The following DPP10 variants were observed in gnomAD, a reference collection of about 807,000 sequenced individuals.
DPP10 encodes the protein inactive dipeptidyl peptidase 10.
Under a neutral mutation model 120.9 loss-of-function variants are expected in DPP10, and 33 were observed. The observed-to-expected ratio is 0.27, with a 90% CI of 0.21 to 0.37. DPP10 has a LOEUF of 0.37. Among genes scored for constraint, DPP10 ranks in the 10% least tolerant of loss-of-function variants. DPP10 has a pLI of 1.00. For synonymous variants in DPP10, 337 were observed against 326.1 expected (o/e 1.03, Z -0.36); for missense variants, 816 against 942.8 (o/e 0.87, Z 1.76).
At chr2:115,730,064 A>T (rs2092866646) in intron 8 of DPP10, among the ~76,000 whole-genome samples, 1 of 152,168 alleles carries the variant, frequency 6.6e-6, no homozygotes, top group South Asian at 2.1e-4. Flanking sequence ...ATTTAATAGG[A>T]AAACTAATAG....
chr2:114,537,379 G>GAA (rs139168904), intron 1 of DPP10, among the ~76,000 whole-genome samples: 4 of 149,562 alleles, frequency 2.7e-5, no homozygotes, highest in African/African-American at 9.8e-5. Context: ...CATTCAGAAA[G>GAA]AAAAAAAAAC....
chr2:115,571,747 A>T (rs2081349491), intron 5 of DPP10, among the ~76,000 whole-genome samples: 1 of 151,768 alleles, frequency 6.6e-6, no homozygotes, highest in Non-Finnish European at 1.5e-5. Flanking sequence ...GGAAAACATG[A>T]AAGTGGAGAA....
intron 5 of DPP10, among the ~76,000 whole-genome samples, chr2:115,540,464 T>C (rs2079111214): frequency 6.6e-6 from 1 of 151,886 alleles, no homozygotes; most frequent in Non-Finnish European, 1.5e-5. Flanking sequence ...CTTGTCTATA[T>C]TGGGAGAAAA....
In DPP10 at chr2:115,777,280, G is replaced by C. The variant is rs537818684; in HGVS notation, c.1294G>C (p.Asp432His). Residue 432 changes from aspartate (D) to histidine (H), a missense_variant, in exon 14 of 26, where the codon GAT becomes CAT. Around this residue, in one of 3 missense-constraint regions of DPP10, gnomAD observed 592 missense variants for 649.0 expected, o/e 0.91. Transcript: ENST00000410059. ...GGAAGTGATAAAGATCTTGGCATAC[G>C]ATGAAACTACTCAAAAAATGTGAGT... is the stretch of plus-strand genomic sequence containing the variant. ...NWEVIKILAY[D>H]ETTQKIYFLS... is the part of the protein sequence containing the mutation. 9 of 1,612,880 alleles carry C rather than the reference G, an allele frequency of 5.6e-6. No homozygotes were observed. The Admixed American group carries it at 1.3e-4, about 24-fold the overall frequency.
At chr2:114,708,327 C>G (rs1304970376) in intron 1 of DPP10, among the ~76,000 whole-genome samples, 1 of 152,120 alleles carries the variant, frequency 6.6e-6, no homozygotes, top group Non-Finnish European at 1.5e-5. Context: ...TGCAGGATAT[C>G]CTGTTCCAGG....
rs550917304 is a variant in DPP10 at position 114,763,167 on chromosome 2, T to TA, written c.60+320330dup. 5.1e-3 allele frequency among the ~76,000 whole-genome samples: 775 copies of TA among 152,240 alleles called. 4 individuals are homozygous for TA. The highest frequency in any genetic ancestry group is 9.7e-3 in the Non-Finnish European group (657 of 68,012). On this transcript the variant is annotated intron_variant, in intron 1 of 25. Transcript: ENST00000410059. Reference sequence around the variant, plus strand: ...ATGAAAGGGCTGGTGCTTTGGGAGATACCGCAGGCCAGTCTGGCTGGAGTG... The same window carrying TA: ...ATGAAAGGGCTGGTGCTTTGGGAGATAACCGCAGGCCAGTCTGGCTGGAGTG...
intron 1 of DPP10, among the ~76,000 whole-genome samples, chr2:114,507,994 T>G (rs966027563): frequency 6.6e-6 from 1 of 152,200 alleles, no homozygotes; most frequent in Non-Finnish European, 1.5e-5. Context: ...TTTTCTTCCT[T>G]TTTTCCTTCT....
chr2:114,740,196 T>C (rs1677887348), intron 1 of DPP10, among the ~76,000 whole-genome samples: 1 of 151,786 alleles, frequency 6.6e-6, no homozygotes, highest in Non-Finnish European at 1.5e-5. Flanking sequence ...GATGAGTTCA[T>C]GTCCTTTGTA....
At chr2:115,316,676 G>A (rs1429777302) in intron 2 of DPP10, among the ~76,000 whole-genome samples, 1 of 152,046 alleles carries the variant, frequency 6.6e-6, no homozygotes. Flanking sequence ...ATAAAATTGT[G>A]TGTCATTATA....
chr2:115,385,350 TC>T (rs1348125374), intron 3 of DPP10, among the ~76,000 whole-genome samples: 1 of 124,004 alleles, frequency 8.1e-6, no homozygotes, highest in African/African-American at 2.7e-5. Flanking sequence ...TTTCTGTCTT[TC>T]TTTTTTTTTT....
intron 5 of DPP10, among the ~76,000 whole-genome samples, chr2:115,673,163 A>G (rs749268203): frequency 5.3e-5 from 8 of 152,278 alleles, no homozygotes; most frequent in Middle Eastern, 3.4e-3. Flanking sequence ...CTCTCTCCAA[A>G]ACAGAACAAT....
intron 19 of DPP10, among the ~76,000 whole-genome samples, chr2:115,795,600 A>G (rs1684447361): frequency 6.6e-6 from 1 of 152,140 alleles, no homozygotes; most frequent in Non-Finnish European, 1.5e-5. Context: ...TCTGTGTATC[A>G]GAATCCTATA....
intron 21 of DPP10, among the ~76,000 whole-genome samples, chr2:115,819,189 G>T: frequency 6.6e-6 from 1 of 152,168 alleles, no homozygotes; most frequent in African/African-American, 2.4e-5. Context: ...TGCTTTCTGT[G>T]TGGGATTAAA....
At chr2:115,009,801 G>T (rs987599819) in intron 1 of DPP10, among the ~76,000 whole-genome samples, 8 of 151,984 alleles carry the variant, frequency 5.3e-5, no homozygotes, top group African/African-American at 1.7e-4. Flanking sequence ...GATATCCCAA[G>T]TTACACTAAT....
At chr2:114,925,210 C>CAAAAAAA (rs66986816) in intron 1 of DPP10, among the ~76,000 whole-genome samples, 1 of 104,818 alleles carries the variant, frequency 9.5e-6, no homozygotes. Context: ...GACTCTGTCT[C>CAAAAAAA]AAAAAAAAAA....
At chr2:115,025,209 AG>A (rs1478390987) in intron 1 of DPP10, among the ~76,000 whole-genome samples, 13 of 134,376 alleles carry the variant, frequency 9.7e-5, no homozygotes, top group Non-Finnish European at 2.1e-4. Flanking sequence ...CTTCATGAGG[AG>A]ATCTATCACT....
intron 1 of DPP10, among the ~76,000 whole-genome samples, chr2:114,758,036 A>T (rs747647045): frequency 6.6e-6 from 1 of 152,182 alleles, no homozygotes; most frequent in African/African-American, 2.4e-5. Context: ...ACACAGTCTC[A>T]GTGTTGCCTG....
chr2:114,719,720 G>C (rs1196663050), intron 1 of DPP10, among the ~76,000 whole-genome samples: 6 of 152,206 alleles, frequency 3.9e-5, no homozygotes, highest in Non-Finnish European at 8.8e-5. Context: ...ATATAAGTTT[G>C]ATAATGTGAA....
intron 3 of DPP10, among the ~76,000 whole-genome samples, chr2:115,360,717 C>T (rs2064708778): frequency 6.6e-6 from 1 of 152,174 alleles, no homozygotes; most frequent in African/African-American, 2.4e-5. Context: ...CTGTTTCCTC[C>T]CATGGAGTGG....
Sources: allele counts gnomAD v4.1 joint callset (sites outside exome capture counted in the v4.1 genomes callset), GRCh38; gene constraint gnomAD v4.1.1; regional missense constraint gnomAD v4.1.1; transcripts MANE v1.5; gene names NCBI Gene and HGNC (gene_info 2026-07-23, HGNC 2026-07-21).